SLC25A20: variants seen among roughly 807,000 people sequenced by gnomAD.
The protein encoded by SLC25A20 is solute carrier family 25 member 20, also known as mitochondrial carnitine/acylcarnitine carrier protein.
In SLC25A20, 29 loss-of-function variants were observed where a neutral mutation model predicts 39.7. The ratio of observed to expected loss-of-function variants is 0.73; its 90% confidence interval spans 0.54 to 1.00. SLC25A20 has a LOEUF of 1.00. Ranked by LOEUF, SLC25A20 falls within the 50% of genes least tolerant of loss-of-function variation. The pLI is 0.00. For missense variants in SLC25A20, 333 were observed against 379.9 expected (o/e 0.88, Z 1.03); for synonymous variants, 103 against 142.2 (o/e 0.72, Z 1.96).
chr3:48,883,354 A>ACCAG (rs2083808043), intron 3 of SLC25A20, among the ~76,000 whole-genome samples: 1 of 151,838 alleles, frequency 6.6e-6, no homozygotes, highest in Non-Finnish European at 1.5e-5. Context: ...GGAGATCGTG[A>ACCAG]CCAGCCTAAT....
chr3:48,858,713 A>T, intron 7 of SLC25A20, 82 bp from the exon 8 acceptor site: 2 of 1,573,448 alleles, frequency 1.3e-6, no homozygotes, highest in Non-Finnish European at 1.7e-6. Flanking sequence ...GGACTAGCAC[A>T]GGGAAAGGAC....
Position 48,857,666 on chromosome 3 carries a change from G to T in SLC25A20, c.*44C>A, listed in dbSNP as rs775097672. 2.5e-5 allele frequency: 39 copies of T among 1,590,398 alleles called. No individual in the cohort carries two copies. In the South Asian group the frequency reaches 3.9e-4, roughly 16 times the overall value. On this transcript the variant is annotated 3_prime_UTR_variant, in exon 9 of 9. Transcript: ENST00000319017. Reference sequence around the variant, plus strand: ...CTGCTTACTACTCCTTCTCCTCAACGACAGCTTCCAGCATCCAGAAGTGAA... The same window carrying T: ...CTGCTTACTACTCCTTCTCCTCAACTACAGCTTCCAGCATCCAGAAGTGAA...
rs1019107460 is a variant in SLC25A20, at chr3:48,858,379, G to A, written c.843+128C>T. On this transcript the variant is annotated intron_variant, in intron 8 of 8. Coordinates refer to ENST00000319017, the MANE Select transcript of SLC25A20 (RefSeq NM_000387.6). ...TCAAGGAAGGGAGCAAATAAGGAATGCTCTGGCTGAAGATAGGGCTTTGGG... is the reference window on the plus strand; with the variant it reads ...TCAAGGAAGGGAGCAAATAAGGAATACTCTGGCTGAAGATAGGGCTTTGGG... 56 of 1,359,422 alleles carry A rather than the reference G, an allele frequency of 4.1e-5. No individual in the cohort carries two copies. The South Asian group carries it at 6.5e-4, about 16-fold the overall frequency. 84.2% of individuals were successfully genotyped at this position (1,359,422 alleles called of 1,614,324 possible).
chr3:48,861,148 G>A (rs2083623899), intron 5 of SLC25A20, among the ~76,000 whole-genome samples: 1 of 151,960 alleles, frequency 6.6e-6, no homozygotes, highest in Non-Finnish European at 1.5e-5. Context: ...AATAGAGACA[G>A]GGTATCACTA....
At chr3:48,892,643 T>TA (rs2083885540) in intron 1 of SLC25A20, among the ~76,000 whole-genome samples, 1 of 152,208 alleles carries the variant, frequency 6.6e-6, no homozygotes, top group Non-Finnish European at 1.5e-5. Flanking sequence ...AGTTCCCTCT[T>TA]ACTTGCAGGA....
chr3:48,870,212 C>CAT (rs1429501774), intron 4 of SLC25A20, among the ~76,000 whole-genome samples: 6 of 152,224 alleles, frequency 3.9e-5, no homozygotes, highest in Admixed American at 3.9e-4. Context: ...CCAGCCTGGC[C>CAT]AACATGGTGA....
intron 4 of SLC25A20, among the ~76,000 whole-genome samples, chr3:48,876,277 G>C (rs570358625): frequency 6.7e-6 from 1 of 149,392 alleles, no homozygotes; most frequent in African/African-American, 2.5e-5. Flanking sequence ...AGGGGGAAGA[G>C]GTGGCAGTGA....
At chr3:48,890,060 C>T (rs1575991979) in intron 2 of SLC25A20, among the ~76,000 whole-genome samples, 1 of 152,176 alleles carries the variant, frequency 6.6e-6, no homozygotes, top group East Asian at 1.9e-4. Context: ...AGTCAGGGAA[C>T]ACTCTACTCC....
At chr3:48,871,703 G>A (rs1042112053) in intron 4 of SLC25A20, among the ~76,000 whole-genome samples, 11 of 150,258 alleles carry the variant, frequency 7.3e-5, no homozygotes, top group Non-Finnish European at 1.2e-4. Flanking sequence ...GGAGGCAGAG[G>A]TTGTGGTGAG....
At chr3:48,882,669 G>A (rs2106656763) in intron 3 of SLC25A20, among the ~76,000 whole-genome samples, 1 of 152,154 alleles carries the variant, frequency 6.6e-6, no homozygotes, top group African/African-American at 2.4e-5. Flanking sequence ...ACCAGCCTGG[G>A]CAAGATAATG....
chr3:48,863,204 T>C (rs1298825712), intron 4 of SLC25A20, among the ~76,000 whole-genome samples: 9 of 151,968 alleles, frequency 5.9e-5, no homozygotes, highest in Admixed American at 5.9e-4. Flanking sequence ...AATTTAAAAA[T>C]AAAAAATAAG....
At chr3:48,884,256 G>T in intron 2 of SLC25A20, 132 bp from the exon 3 acceptor site, 2 of 1,134,586 alleles carry the variant, frequency 1.8e-6, no homozygotes, top group Non-Finnish European at 2.6e-6. Context: ...AACTTTAAAT[G>T]GAAGAAAATC....
At chr3:48,887,563 C>T (rs898664936) in intron 2 of SLC25A20, among the ~76,000 whole-genome samples, 1 of 152,148 alleles carries the variant, frequency 6.6e-6, no homozygotes, top group African/African-American at 2.4e-5. Context: ...AGACACTGCT[C>T]AGACTCTACC....
chr3:48,882,888 C>T (rs1270893354), intron 3 of SLC25A20, among the ~76,000 whole-genome samples: 1 of 151,848 alleles, frequency 6.6e-6, no homozygotes. Context: ...GACCCCATCT[C>T]AAAAACTCAA....
intron 1 of SLC25A20, among the ~76,000 whole-genome samples, chr3:48,898,337 G>C (rs879189030): frequency 2.0e-5 from 3 of 152,254 alleles, no homozygotes; most frequent in Non-Finnish European, 4.4e-5. Context: ...CAGGGGACCT[G>C]TTTCAACCTT....
Position 48,862,625 on chromosome 3 carries a change from C to A in SLC25A20, c.452G>T (p.Gly151Val). 6.2e-7 allele frequency: 1 copy of A among 1,613,906 alleles called. No homozygotes were observed. Among genetic ancestry groups the A allele is most frequent in the Non-Finnish European group, 8.5e-7 (1 of 1,179,816 alleles). ...QASSGESKYT[G>V]TLDCAKKLYQ... ...CAGCTTCTTTGCACAGTCCAAGGTA[C>A]CAGTGTACTTGCTTTCTCCTGAAGA... Residue 151 changes from glycine (G) to valine (V), a missense_variant, in exon 5 of 9, where the codon GGT becomes GTT. Coordinates refer to ENST00000319017, the MANE Select transcript of SLC25A20 (RefSeq NM_000387.6).
chr3:48,898,812 C>T lies in SLC25A20; in HGVS notation c.-18G>A. ...TCGGCCATGGTCAGTCCGTCTGTCA[C>T]TCCGTCTGTCAGTTCTCGGGCCGTC... On this transcript the variant is annotated 5_prime_UTR_variant, in exon 1 of 9. The change creates a new upstream start codon in the 5' untranslated region. Coordinates refer to ENST00000319017, the MANE Select transcript of SLC25A20 (RefSeq NM_000387.6). 1.3e-6 allele frequency: 2 copies of T among 1,552,812 alleles called. No homozygotes were observed. The highest frequency in any genetic ancestry group is 1.7e-6 in the Non-Finnish European group (2 of 1,147,560).
intron 4 of SLC25A20, among the ~76,000 whole-genome samples, chr3:48,873,968 CAAAAAAAAAA>C (rs11316117): frequency 9.7e-5 from 4 of 41,076 alleles, no homozygotes; most frequent in Non-Finnish European, 1.3e-4. Context: ...GACTCCATCT[CAAAAAAAAAA>C]AAAAAAAAAA....
At chr3:48,888,478 G>T (rs922518395) in intron 2 of SLC25A20, among the ~76,000 whole-genome samples, 8 of 151,786 alleles carry the variant, frequency 5.3e-5, no homozygotes, top group African/African-American at 1.9e-4. Context: ...GCTGAGGCAG[G>T]AGAATCACTT....
Sources: allele counts gnomAD v4.1 joint callset (sites outside exome capture counted in the v4.1 genomes callset), GRCh38; gene constraint gnomAD v4.1.1; transcripts MANE v1.5; gene names NCBI Gene and HGNC (gene_info 2026-07-23, HGNC 2026-07-21).